Variants in CSMD3 observed in about 807,000 individuals in gnomAD.
The protein encoded by CSMD3 is CUB and Sushi multiple domains 3.
Under a neutral mutation model 435.2 loss-of-function variants are expected in CSMD3, and 177 were observed. The observed-to-expected ratio is 0.41, with a 90% CI of 0.36 to 0.46. CSMD3 has a LOEUF of 0.46. Among genes scored for constraint, CSMD3 ranks in the 20% least tolerant of loss-of-function variants. The probability of loss-of-function intolerance (pLI) is 0.34; values close to 1 mark genes in which losing one functional copy is unlikely to be tolerated. For synonymous variants in CSMD3, 1,656 were observed against 1,520.5 expected (o/e 1.09, Z -2.07); for missense variants, 4,265 against 4,504.6 (o/e 0.95, Z 1.52).
chr8:112,531,922 C>T (rs985294195), intron 27 of CSMD3, among the ~76,000 whole-genome samples: 1 of 151,998 alleles, frequency 6.6e-6, no homozygotes, highest in Non-Finnish European at 1.5e-5. Flanking sequence ...GATATGCAAC[C>T]TTTTGGTGCA....
chr8:112,331,896 C>G (rs1226211195), intron 45 of CSMD3, among the ~76,000 whole-genome samples: 3 of 151,962 alleles, frequency 2.0e-5, no homozygotes, highest in Non-Finnish European at 2.9e-5. Context: ...CAATTTTTTA[C>G]TATTATGAGA....
chr8:112,492,827 C>A, intron 30 of CSMD3, 144 bp from the exon 31 acceptor site: 2 of 708,542 alleles, frequency 2.8e-6, no homozygotes, highest in South Asian at 3.1e-5. Context: ...TATATACAGA[C>A]TTTTTTTGTC....
chr8:113,380,807 T>C (rs1338598442), intron 1 of CSMD3, among the ~76,000 whole-genome samples: 2 of 152,216 alleles, frequency 1.3e-5, no homozygotes, highest in African/African-American at 4.8e-5. Context: ...GTCTTTGATA[T>C]GTGCCACTCG....
chr8:112,695,897 A>C (rs1229478461), intron 13 of CSMD3, among the ~76,000 whole-genome samples: 2 of 152,164 alleles, frequency 1.3e-5, no homozygotes, highest in African/African-American at 4.8e-5. Context: ...CAGGACACAA[A>C]ACCAATGTGC....
At chr8:113,090,142 C>A (rs922504802) in intron 5 of CSMD3, among the ~76,000 whole-genome samples, 2 of 151,902 alleles carry the variant, frequency 1.3e-5, no homozygotes, top group African/African-American at 4.8e-5. Context: ...ATTTTTAAAT[C>A]CATGCCATCA....
intron 1 of CSMD3, among the ~76,000 whole-genome samples, chr8:113,394,928 G>T (rs1028634948): frequency 6.6e-6 from 1 of 152,124 alleles, no homozygotes; most frequent in Non-Finnish European, 1.5e-5. Context: ...GAATTTGAAG[G>T]TGAGAAGAGG....
chr8:113,174,901 T>G (rs1277348679), intron 3 of CSMD3, among the ~76,000 whole-genome samples: 1 of 151,910 alleles, frequency 6.6e-6, no homozygotes, highest in Non-Finnish European at 1.5e-5. Flanking sequence ...TTTGGCCATT[T>G]TACTGCAGTT....
intron 22 of CSMD3, among the ~76,000 whole-genome samples, chr8:112,597,386 AC>A (rs1266664534): frequency 6.7e-6 from 1 of 148,402 alleles, no homozygotes; most frequent in Non-Finnish European, 1.5e-5. Flanking sequence ...TAGTTTACCA[AC>A]CAAAAAGAGT....
chr8:112,317,035 A>G (rs1822542818), intron 47 of CSMD3, among the ~76,000 whole-genome samples: 1 of 152,028 alleles, frequency 6.6e-6, no homozygotes, highest in Non-Finnish European at 1.5e-5. Context: ...ACAAAAATGT[A>G]AAGTTAGTTT....
intron 1 of CSMD3, among the ~76,000 whole-genome samples, chr8:113,389,654 T>C (rs1021924633): frequency 1.3e-5 from 2 of 151,780 alleles, no homozygotes; most frequent in African/African-American, 4.8e-5. Context: ...CAAAGTCAAA[T>C]TGTCTGAATT....
At chr8:112,640,374 T>C (rs983558659) in intron 20 of CSMD3, among the ~76,000 whole-genome samples, 1 of 152,108 alleles carries the variant, frequency 6.6e-6, no homozygotes, top group Non-Finnish European at 1.5e-5. Flanking sequence ...ACATTTTTTA[T>C]TCATTTACAT....
chr8:112,647,963 AGTC>A lies in CSMD3; in HGVS notation c.3193+2195_3193+2197del, dbSNP rs563721232. On this transcript the variant is annotated intron_variant, in intron 19 of 70. Transcript: ENST00000297405. The stretch of plus-strand genomic sequence containing the variant: ...ATATGGTAAAAACTCAATAAATATT[AGTC>A]ATCACTATTATTACCACCATACTAC... Among the ~76,000 whole-genome samples the A allele has an allele frequency of 3.0e-3, 456 of 152,324 alleles. 3 individuals carry two copies. Among genetic ancestry groups the A allele is most frequent in the African/African-American group, 9.5e-3 (395 of 41,576 alleles).
intron 64 of CSMD3, among the ~76,000 whole-genome samples, chr8:112,246,411 G>A (rs1290156378): frequency 6.6e-6 from 1 of 152,148 alleles, no homozygotes; most frequent in Non-Finnish European, 1.5e-5. Context: ...CAACTGGAGA[G>A]AAAGAAAAGC....
rs567921239 is a variant in CSMD3, at chr8:112,771,111, A to G, written c.1972+29051T>C. Among the ~76,000 whole-genome samples the G allele has an allele frequency of 2.0e-5, 3 of 152,220 alleles. No individual in the cohort carries two copies. In the South Asian group the frequency reaches 6.2e-4, roughly 32 times the overall value. ...ACATTAATTGGAAAAAGAGAATGCT[A>G]TACTCTTACTTGTCTGGAAATAGAG... On this transcript the variant is annotated intron_variant, in intron 13 of 70. Transcript: ENST00000297405.
intron 6 of CSMD3, among the ~76,000 whole-genome samples, chr8:113,005,543 T>C (rs1284731301): frequency 6.6e-6 from 1 of 151,956 alleles, no homozygotes; most frequent in Admixed American, 6.6e-5. Context: ...TGTAAGTAAT[T>C]TTTGAGAGTC....
chr8:112,530,179 TA>T (rs1354916430), intron 27 of CSMD3, among the ~76,000 whole-genome samples: 1 of 152,090 alleles, frequency 6.6e-6, no homozygotes, highest in Non-Finnish European at 1.5e-5. Flanking sequence ...TAGGGACCAA[TA>T]TTTACATTAT....
chr8:112,982,557 C>T (rs193217372), intron 6 of CSMD3, among the ~76,000 whole-genome samples: 27 of 152,020 alleles, frequency 1.8e-4, no homozygotes, highest in Admixed American at 1.1e-3. Context: ...TTCATTTCCA[C>T]GTAAAATCTT....
At chr8:113,006,832 A>G (rs1184961730) in intron 6 of CSMD3, among the ~76,000 whole-genome samples, 3 of 151,954 alleles carry the variant, frequency 2.0e-5, no homozygotes, top group Non-Finnish European at 4.4e-5. Flanking sequence ...ATTTAGATGC[A>G]TCCATCTGGA....
chr8:112,973,635 C>A (rs2084741966), intron 7 of CSMD3, among the ~76,000 whole-genome samples: 1 of 151,736 alleles, frequency 6.6e-6, no homozygotes, highest in Non-Finnish European at 1.5e-5. Context: ...GTAATCAAGT[C>A]TTAGAAGATA....
Sources: gnomAD v4.1 joint callset for allele counts (sites outside exome capture counted in the v4.1 genomes callset) on GRCh38, gnomAD v4.1.1 for gene constraint, MANE v1.5 for transcripts, NCBI Gene and HGNC (gene_info 2026-07-23, HGNC 2026-07-21) for gene names.